KCNH5: variants seen among roughly 807,000 people sequenced by gnomAD.
KCNH5 encodes potassium voltage-gated channel subfamily H member 5.
A neutral mutation model predicts 96.1 loss-of-function variants in KCNH5; 46 were observed. The ratio of observed to expected loss-of-function variants is 0.48; its 90% confidence interval spans 0.38 to 0.61. The LOEUF (loss-of-function observed/expected upper bound fraction) is 0.61, where lower values mean the gene tolerates loss of function less well. Ranked by LOEUF, KCNH5 falls within the 20% of genes least tolerant of loss-of-function variation. KCNH5 has a pLI of 0.00. For synonymous variants in KCNH5, 439 were observed against 449.8 expected (o/e 0.98, Z 0.30); for missense variants, 907 against 1,225.8 (o/e 0.74, Z 3.88).
chr14:62,738,343 T>C (rs943787232), intron 10 of KCNH5, among the ~76,000 whole-genome samples: 1 of 152,110 alleles, frequency 6.6e-6, no homozygotes, highest in Non-Finnish European at 1.5e-5. Flanking sequence ...AGATTGCAGT[T>C]GACTGTGGGT....
chr14:62,899,642 TA>T (rs1359446573), intron 7 of KCNH5, among the ~76,000 whole-genome samples: 13 of 151,378 alleles, frequency 8.6e-5, no homozygotes, highest in Admixed American at 4.0e-4. Context: ...CCATCCCGGC[TA>T]AAAACGGTGA....
At chr14:62,711,699 C>T (rs1348798230) in intron 10 of KCNH5, among the ~76,000 whole-genome samples, 5 of 152,166 alleles carry the variant, frequency 3.3e-5, no homozygotes, top group Admixed American at 6.5e-5. Flanking sequence ...GCTCCTTGCC[C>T]TTCACTTCCT....
intron 7 of KCNH5, among the ~76,000 whole-genome samples, chr14:62,879,466 T>C (rs1436007598): frequency 2.0e-5 from 3 of 152,180 alleles, no homozygotes; most frequent in African/African-American, 7.2e-5. Flanking sequence ...ATTTATCGAA[T>C]GAATGAATAA....
In KCNH5 at chr14:62,987,200, G is replaced by A; in HGVS notation, c.434-13C>T. ...AATTTCGTCCAACCTTAAAAATAAG[G>A]AAAGAAAGTCTCAGTTTTTCATACA... is the stretch of plus-strand genomic sequence containing the variant. On this transcript the variant is annotated splice_polypyrimidine_tract_variant and intron_variant, in intron 4 of 10. Transcript: ENST00000322893. The A allele has an allele frequency of 1.3e-6, 2 of 1,575,078 alleles. No homozygotes were observed. The highest frequency in any genetic ancestry group is 8.7e-7 in the Non-Finnish European group (1 of 1,144,966).
intron 10 of KCNH5, among the ~76,000 whole-genome samples, chr14:62,770,053 A>C (rs544239331): frequency 2.0e-4 from 31 of 152,336 alleles, no homozygotes; most frequent in African/African-American, 7.5e-4. Flanking sequence ...TTCGTGGAAC[A>C]AACGGGCTCT....
At chr14:62,882,761 A>G (rs576547700) in intron 7 of KCNH5, among the ~76,000 whole-genome samples, 1 of 152,218 alleles carries the variant, frequency 6.6e-6, no homozygotes, top group African/African-American at 2.4e-5. Flanking sequence ...ATTGAGGAAC[A>G]TAACTCTTCA....
chr14:62,828,498 G>A (rs1371297914), intron 8 of KCNH5, among the ~76,000 whole-genome samples: 1 of 152,188 alleles, frequency 6.6e-6, no homozygotes, highest in African/African-American at 2.4e-5. Context: ...AATCATGGCA[G>A]AAAGGGAAGG....
At chr14:62,770,239 G>A (rs554356711) in intron 10 of KCNH5, among the ~76,000 whole-genome samples, 2 of 152,170 alleles carry the variant, frequency 1.3e-5, no homozygotes, top group Non-Finnish European at 2.9e-5. Context: ...ATGCCTGTTT[G>A]ATATCCAATT....
chr14:62,756,328 T>C (rs1885623364), intron 10 of KCNH5, among the ~76,000 whole-genome samples: 1 of 152,218 alleles, frequency 6.6e-6, no homozygotes, highest in African/African-American at 2.4e-5. Context: ...AGATATTCCA[T>C]GTTCATAGAT....
intron 6 of KCNH5, among the ~76,000 whole-genome samples, chr14:62,958,632 T>C (rs1319028598): frequency 6.6e-6 from 1 of 152,266 alleles, no homozygotes; most frequent in East Asian, 1.9e-4. Context: ...CTCTACCTTT[T>C]TTCTTATATA....
rs573549307 is a variant in KCNH5 at position 62,904,472 on chromosome 14, A to G, written c.1369+45661T>C. Among the ~76,000 whole-genome samples the G allele has an allele frequency of 3.9e-5, 6 of 152,210 alleles. No homozygotes were observed. In the South Asian group the frequency reaches 1.2e-3, roughly 32 times the overall value. ...CCTCACATCTTCAGCAAAATCCCAC[A>G]TACACATGCCCCTACCTCTTCCCCT... On this transcript the variant is annotated intron_variant, in intron 7 of 10. Coordinates refer to ENST00000322893, the MANE Select transcript of KCNH5 (RefSeq NM_139318.5).
chr14:62,887,325 T>C (rs1888617486), intron 7 of KCNH5, among the ~76,000 whole-genome samples: 1 of 152,156 alleles, frequency 6.6e-6, no homozygotes, highest in Admixed American at 6.6e-5. Context: ...CTGGTAGTGC[T>C]GCAAACTATA....
chr14:62,967,839 CA>C (rs950832426), intron 6 of KCNH5, among the ~76,000 whole-genome samples: 7 of 152,192 alleles, frequency 4.6e-5, no homozygotes, highest in Non-Finnish European at 1.0e-4. Flanking sequence ...CAATATATTT[CA>C]ACCTTCTTTG....
chr14:62,779,928 GA>G lies in KCNH5; in HGVS notation c.1823-5del, dbSNP rs1367114879. ...TCTCCAAATACATCACCCTTCCCTA[GA>G]AAACAGTATAAGATACATATTCAAG... On this transcript the variant is annotated splice_region_variant and splice_polypyrimidine_tract_variant and intron_variant, in intron 9 of 10. Coordinates refer to ENST00000322893, the MANE Select transcript of KCNH5 (RefSeq NM_139318.5). 32 of 1,609,398 alleles carry G rather than the reference GA, an allele frequency of 2.0e-5. No homozygotes were observed. Among genetic ancestry groups the G allele is most frequent in the Non-Finnish European group, 2.6e-5 (31 of 1,177,866 alleles).
At chr14:62,801,990 C>T (rs1886671305) in intron 9 of KCNH5, among the ~76,000 whole-genome samples, 1 of 152,140 alleles carries the variant, frequency 6.6e-6, no homozygotes, top group South Asian at 2.1e-4. Context: ...CTGAGACTAA[C>T]ACCCTTCATC....
chr14:62,963,626 T>C (rs2139546434), intron 6 of KCNH5, among the ~76,000 whole-genome samples: 1 of 152,210 alleles, frequency 6.6e-6, no homozygotes, highest in East Asian at 1.9e-4. Context: ...TTCCATCTCT[T>C]TTTCTATTCA....
rs1884451761 is a variant in KCNH5, at chr14:62,707,262, T to C, written c.*246A>G. Reference sequence around the variant, plus strand: ...AAAATCATACTCTTTTATTATAGAATAGAGATTATAAATAAATGTAAAGTG... The same window carrying C: ...AAAATCATACTCTTTTATTATAGAACAGAGATTATAAATAAATGTAAAGTG... On this transcript the variant is annotated 3_prime_UTR_variant, in exon 11 of 11. Transcript: ENST00000322893. The C allele has an allele frequency of 8.8e-6, 2 of 227,308 alleles. No homozygotes were observed. The highest frequency in any genetic ancestry group is 2.3e-5 in the African/African-American group (1 of 44,318). The allele number at this position is 227,308 out of a possible 1,614,324, so 14.1% of individuals were successfully genotyped here. A position where few individuals can be genotyped will look rare whatever the true frequency, so the allele number is the denominator to read the frequency against.
intron 8 of KCNH5, among the ~76,000 whole-genome samples, chr14:62,821,743 A>G (rs1305032079): frequency 6.6e-6 from 1 of 152,142 alleles, no homozygotes; most frequent in African/African-American, 2.4e-5. Context: ...ATGAGTAGCA[A>G]AAAAGCTGTC....
At chr14:62,895,905 G>A (rs1490093161) in intron 7 of KCNH5, among the ~76,000 whole-genome samples, 1 of 152,130 alleles carries the variant, frequency 6.6e-6, no homozygotes, top group Non-Finnish European at 1.5e-5. Context: ...AACTCCTGAA[G>A]CAGATATACC....
Sources: allele counts gnomAD v4.1 joint callset (sites outside exome capture counted in the v4.1 genomes callset), GRCh38; gene constraint gnomAD v4.1.1; transcripts MANE v1.5; gene names NCBI Gene and HGNC (gene_info 2026-07-23, HGNC 2026-07-21).